The following PLEKHG7 variants were observed in gnomAD, a reference collection of about 807,000 sequenced individuals.
PLEKHG7 encodes pleckstrin homology domain-containing family G member 7.
Under a neutral mutation model 85.2 loss-of-function variants are expected in PLEKHG7, and 77 were observed. The ratio of observed to expected loss-of-function variants is 0.90; its 90% CI spans 0.75 to 1.09. PLEKHG7 has a LOEUF of 1.09. Ranked by LOEUF, PLEKHG7 falls within the 50% of genes least tolerant of loss-of-function variation. PLEKHG7 has a pLI of 0.00. For missense variants in PLEKHG7, 777 were observed against 804.3 expected (o/e 0.97, Z 0.41); for synonymous variants, 301 against 302.4 (o/e 1.00, Z 0.05).
chr12:92,721,088 G>A (rs1668363729), intron 3 of PLEKHG7, among the ~76,000 whole-genome samples: 1 of 152,200 alleles, frequency 6.6e-6, no homozygotes, highest in Non-Finnish European at 1.5e-5. Flanking sequence ...GGGTGCTTGT[G>A]AAAATCAATA....
At chr12:92,768,034 C>T (rs146141247) in intron 15 of PLEKHG7, among the ~76,000 whole-genome samples, 122 of 152,042 alleles carry the variant, frequency 8.0e-4, no homozygotes, top group African/African-American at 2.7e-3. Context: ...GTGAAACCCC[C>T]GTCTCGACTA....
At chr12:92,748,973 G>T (rs374835977) in intron 10 of PLEKHG7, among the ~76,000 whole-genome samples, 1 of 152,104 alleles carries the variant, frequency 6.6e-6, no homozygotes, top group African/African-American at 2.4e-5. Context: ...TATTGTTCCC[G>T]TTTTTCAGGA....
At chr12:92,724,847 G>C (rs1327780369) in intron 3 of PLEKHG7, among the ~76,000 whole-genome samples, 1 of 152,112 alleles carries the variant, frequency 6.6e-6, no homozygotes, top group Non-Finnish European at 1.5e-5. Flanking sequence ...GTCAGCCTAT[G>C]ACCTCAGCAC....
At position 92,739,260 on chromosome 12, in the gene PLEKHG7, G is replaced by A. The variant is rs537463814; in HGVS notation, c.940-1593G>A. 3.3e-5 allele frequency among the ~76,000 whole-genome samples: 5 copies of A among 152,234 alleles called. No individual in the cohort carries two copies. In the South Asian group the frequency reaches 1.0e-3, roughly 32 times the overall value. On this transcript the variant is annotated intron_variant, in intron 7 of 16. Coordinates refer to ENST00000344636, the MANE Select transcript of PLEKHG7 (RefSeq NM_001377329.1). ...TGGCTTAGATCACGTGCCCACCCGT[G>A]AGCCAAATCCTCTAGCTCTGTAAAG...
chr12:92,731,643 T>A (rs1168040362), intron 4 of PLEKHG7, among the ~76,000 whole-genome samples: 1 of 152,212 alleles, frequency 6.6e-6, no homozygotes, highest in East Asian at 1.9e-4. Context: ...AGGGATTGAA[T>A]AACGGCTTCC....
At chr12:92,708,516 G>A (rs577083626) in intron 3 of PLEKHG7, 1 of 152,324 alleles carries the variant, frequency 6.6e-6, no homozygotes, top group Non-Finnish European at 1.5e-5. Flanking sequence ...GTATCAGCTA[G>A]CTGTTGCTAG....
chr12:92,761,656 AAGAAAGAAAGAAAG>A lies in PLEKHG7; in HGVS notation c.1637-94_1637-81del, dbSNP rs1057239996. ...AAAGAAAGAAAGAAAGAAAGAAAGAAAGAAAGAAAGAAAGAAAGAAAGAAAGAAAGGGAAAGAAA... is the reference window on the plus strand; with the variant it reads ...AAAGAAAGAAAGAAAGAAAGAAAGAAAAAGAAAGAAAGAAAGGGAAAGAAA... On this transcript the variant is annotated intron_variant, in intron 13 of 16. Coordinates refer to ENST00000344636, the MANE Select transcript of PLEKHG7 (RefSeq NM_001377329.1). The A allele has an allele frequency of 6.2e-6, 8 of 1,284,962 alleles. No homozygotes were observed. The African/African-American group carries it at 1.2e-4, about 19-fold the overall frequency. 79.6% of individuals were successfully genotyped at this position (1,284,962 alleles called of 1,614,324 possible). A position where few individuals can be genotyped will look rare whatever the true frequency, so the allele number is the denominator to read the frequency against.
At chr12:92,763,775 C>T (rs1873103820) in intron 14 of PLEKHG7, among the ~76,000 whole-genome samples, 1 of 151,998 alleles carries the variant, frequency 6.6e-6, no homozygotes, top group Non-Finnish European at 1.5e-5. Flanking sequence ...GCTGAGATCG[C>T]ACCACTGTAC....
chr12:92,756,717 T>C (rs1872845557), intron 13 of PLEKHG7, among the ~76,000 whole-genome samples: 2 of 152,198 alleles, frequency 1.3e-5, no homozygotes, highest in South Asian at 2.1e-4. Flanking sequence ...ATCATAATCG[T>C]TGTACTCCCC....
intron 7 of PLEKHG7, among the ~76,000 whole-genome samples, chr12:92,739,639 A>C (rs762793409): frequency 3.4e-4 from 52 of 152,212 alleles, no homozygotes; most frequent in Non-Finnish European, 7.5e-4. Flanking sequence ...CCTTTTACAC[A>C]ATCAATATGT....
intron 3 of PLEKHG7, among the ~76,000 whole-genome samples, chr12:92,725,516 T>C (rs941568540): frequency 2.0e-5 from 3 of 152,158 alleles, no homozygotes; most frequent in African/African-American, 7.2e-5. Flanking sequence ...TTGGAAGATG[T>C]TGAGGCCCTG....
At chr12:92,742,012 G>A (rs1429977856) in intron 9 of PLEKHG7, among the ~76,000 whole-genome samples, 1 of 152,186 alleles carries the variant, frequency 6.6e-6, no homozygotes, top group Non-Finnish European at 1.5e-5. Context: ...TGGGTGAAAT[G>A]AGAAAAGAGG....
chr12:92,763,927 A>G, intron 14 of PLEKHG7, 114 bp from the exon 15 acceptor site: 3 of 826,446 alleles, frequency 3.6e-6, no homozygotes, highest in Non-Finnish European at 5.3e-6. Context: ...ATTTTAGGCA[A>G]TAATAGTTTT....
In PLEKHG7 at chr12:92,707,441, C is replaced by G. The variant is rs145190413; in HGVS notation, c.508-209C>G. The G allele has an allele frequency of 5.3e-4, 765 of 1,432,266 alleles. 5 individuals carry two copies. The African/African-American group carries it at 9.9e-3, about 18-fold the overall frequency. 88.7% of individuals were successfully genotyped at this position (1,432,266 alleles called of 1,614,324 possible). ...CAGGTACCCGAGAGCAATGGGGGCC[C>G]TCTTGCAAATGCACACTATTTAAAG... On this transcript the variant is annotated intron_variant, in intron 2 of 16. Coordinates refer to ENST00000344636, the MANE Select transcript of PLEKHG7 (RefSeq NM_001377329.1).
intron 3 of PLEKHG7, among the ~76,000 whole-genome samples, chr12:92,717,488 C>T (rs886729524): frequency 5.3e-5 from 8 of 152,170 alleles, no homozygotes; most frequent in African/African-American, 1.9e-4. Context: ...CTTGAAACTT[C>T]GATGTTTTTA....
At chr12:92,703,193 A>T (rs2136563383) in intron 1 of PLEKHG7, 61 bp downstream of exon 1, 1 of 152,332 alleles carries the variant, frequency 6.6e-6, no homozygotes, top group East Asian at 1.9e-4. Flanking sequence ...CTTTTGTCCT[A>T]TTGCTATCAG....
At chr12:92,735,366 A>G (rs1385978409) in intron 5 of PLEKHG7, among the ~76,000 whole-genome samples, 1 of 152,214 alleles carries the variant, frequency 6.6e-6, no homozygotes, top group African/African-American at 2.4e-5. Flanking sequence ...GCCACAGCCC[A>G]TTAGCACATT....
chr12:92,757,456 C>T (rs1872866117), intron 13 of PLEKHG7, among the ~76,000 whole-genome samples: 1 of 152,064 alleles, frequency 6.6e-6, no homozygotes, highest in Non-Finnish European at 1.5e-5. Context: ...GGGAAATAAT[C>T]CCTTAATACA....
intron 10 of PLEKHG7, among the ~76,000 whole-genome samples, chr12:92,748,851 T>C (rs767323423): frequency 6.6e-6 from 1 of 152,218 alleles, no homozygotes; most frequent in Non-Finnish European, 1.5e-5. Context: ...AGGGAGAGAC[T>C]CGCAGATACC....
Sources: gnomAD v4.1 joint callset for allele counts (sites outside exome capture counted in the v4.1 genomes callset) on GRCh38, gnomAD v4.1.1 for gene constraint, MANE v1.5 for transcripts, NCBI Gene and HGNC (gene_info 2026-07-23, HGNC 2026-07-21) for gene names.